MKLN1: variants seen among roughly 807,000 people sequenced by gnomAD.
MKLN1 encodes muskelin 1.
Under a neutral mutation model 99.0 loss-of-function variants are expected in MKLN1, and 18 were observed. The ratio of observed to expected loss-of-function variants is 0.18; its 90% CI spans 0.13 to 0.27. The LOEUF (loss-of-function observed/expected upper bound fraction) is 0.27, where lower values mean the gene tolerates loss of function less well. Among genes scored for constraint, MKLN1 ranks in the 10% least tolerant of loss-of-function variants. The probability of loss-of-function intolerance (pLI) is 1.00; values close to 1 mark genes in which losing one functional copy is unlikely to be tolerated. For synonymous variants in MKLN1, 288 were observed against 293.2 expected (o/e 0.98, Z 0.18); for missense variants, 621 against 875.9 (o/e 0.71, Z 3.67).
At chr7:131,156,880 T>C (rs548744320) in intron 2 of MKLN1, among the ~76,000 whole-genome samples, 2 of 152,272 alleles carry the variant, frequency 1.3e-5, no homozygotes, top group East Asian at 1.9e-4. Context: ...GTTCTAACCA[T>C]AATCTCAAGG....
intron 8 of MKLN1, among the ~76,000 whole-genome samples, chr7:131,422,235 ACT>A (rs1327966518): frequency 4.6e-5 from 7 of 151,972 alleles, no homozygotes; most frequent in African/African-American, 1.7e-4. Flanking sequence ...AATCAAAGAG[ACT>A]CTTACTAACT....
intron 12 of MKLN1, among the ~76,000 whole-genome samples, chr7:131,454,297 A>G (rs1466657946): frequency 6.6e-6 from 1 of 152,214 alleles, no homozygotes; most frequent in Non-Finnish European, 1.5e-5. Context: ...ACCAGTAAAT[A>G]AATTGGTTGA....
intron 17 of MKLN1, among the ~76,000 whole-genome samples, chr7:131,481,812 G>T (rs1797127263): frequency 2.8e-5 from 2 of 71,576 alleles, no homozygotes; most frequent in Admixed American, 2.2e-4. Flanking sequence ...TCTAAGGTCT[G>T]CAAAAAAAAA....
At chr7:131,110,110 G>A, upstream of MKLN1, 1 of 270,568 alleles carries the variant, frequency 3.7e-6, no homozygotes, top group South Asian at 3.2e-5. Flanking sequence ...TGATCCTCCG[G>A]TAGCGAAGGG....
At chr7:131,423,257 G>T (rs1482145674) in intron 8 of MKLN1, among the ~76,000 whole-genome samples, 1 of 152,182 alleles carries the variant, frequency 6.6e-6, no homozygotes, top group Non-Finnish European at 1.5e-5. Context: ...TCACTTGGAA[G>T]AGCCTTTCTG....
upstream of MKLN1, among the ~76,000 whole-genome samples, chr7:131,326,607 C>T (rs142325833): frequency 3.6e-3 from 548 of 152,262 alleles, 3 homozygotes; most frequent in African/African-American, 0.013. Context: ...AGCCTCCCAA[C>T]GTGCTGGGAT....
intron 1 of MKLN1, among the ~76,000 whole-genome samples, chr7:131,349,978 G>C (rs774653807): frequency 6.8e-6 from 1 of 147,218 alleles, no homozygotes; most frequent in African/African-American, 2.5e-5. Context: ...CTTATTTTCA[G>C]TTGCTTGGTA....
rs1289162528 is a variant in MKLN1, at chr7:131,465,249, A to T, written c.1788+841A>T. 2.0e-5 allele frequency among the ~76,000 whole-genome samples: 3 copies of T among 152,256 alleles called. No homozygotes were observed. In the East Asian group the frequency reaches 5.8e-4, roughly 29 times the overall value. On this transcript the variant is annotated intron_variant, in intron 14 of 17. Transcript: ENST00000352689. ...CACTAATTGTAATTAAAATATTTAA[A>T]TATTTAAATGCTTTTGTATACATAC...
In MKLN1 at chr7:131,192,207, A is replaced by G. The variant is rs1349159707; in HGVS notation, c.-296-10650A>G. ...ATATATAAAATATAATATATACAAT[A>G]TATAAATATATAAAATATATACAAT... is the stretch of plus-strand genomic sequence containing the variant. On this transcript the variant is annotated intron_variant, in intron 2 of 7. Transcript: ENST00000416992. Among the ~76,000 whole-genome samples, 50 of 69,770 alleles carry G rather than the reference A, an allele frequency of 7.2e-4. 5 individuals are homozygous for G. Among genetic ancestry groups the G allele is most frequent in the Admixed American group, 2.1e-3 (10 of 4,718 alleles). The allele number at this position is 69,770 out of a possible 152,430, so 45.8% of individuals were successfully genotyped here.
intron 3 of MKLN1, among the ~76,000 whole-genome samples, chr7:131,284,151 A>T (rs1798099673): frequency 1.3e-5 from 2 of 152,296 alleles, no homozygotes; most frequent in Middle Eastern, 6.8e-3. Context: ...TAGAACAAAA[A>T]TTGCTAGGGA....
chr7:131,237,193 GTGTAGTACAGC>G (rs1179428808), intron 3 of MKLN1, among the ~76,000 whole-genome samples: 5 of 152,164 alleles, frequency 3.3e-5, no homozygotes, highest in African/African-American at 1.2e-4. Context: ...GTGGATACAA[GTGTAGTACAGC>G]TGAGAAAAAT....
chr7:131,223,823 G>C (rs554580837), intron 3 of MKLN1, among the ~76,000 whole-genome samples: 2 of 152,190 alleles, frequency 1.3e-5, no homozygotes, highest in African/African-American at 4.8e-5. Context: ...CTGGAGTACA[G>C]TGGTGCGATC....
rs561989212 is a variant in MKLN1 at position 131,195,401 on chromosome 7, C to T, written c.-296-7456C>T. Among the ~76,000 whole-genome samples, 59 of 152,020 alleles carry T rather than the reference C, an allele frequency of 3.9e-4. 1 individual carries two copies. The highest frequency in any genetic ancestry group is 1.3e-3 in the African/African-American group (53 of 41,466). The stretch of plus-strand genomic sequence containing the variant: ...TGGCACGTGCCTGTAATCCCAGCTA[C>T]TCAGGAGGCTGAGGCAGGAGAATCG... On this transcript the variant is annotated intron_variant, in intron 2 of 7. Coordinates refer to the MKLN1 transcript ENST00000416992.
intron 1 of MKLN1, among the ~76,000 whole-genome samples, chr7:131,133,353 C>CTTTTTTTTT (rs1198245681): frequency 7.3e-4 from 68 of 93,634 alleles, no homozygotes; most frequent in Non-Finnish European, 9.3e-4. Context: ...TTCTTTCTTT[C>CTTTTTTTTT]TTTTTTTTTT....
At chr7:131,227,987 G>T (rs896850729) in intron 3 of MKLN1, among the ~76,000 whole-genome samples, 5 of 152,236 alleles carry the variant, frequency 3.3e-5, no homozygotes, top group Non-Finnish European at 7.3e-5. Context: ...CCAGCTTCGT[G>T]TGTGGCCCAT....
At chr7:131,277,872 G>C (rs1047737217) in intron 3 of MKLN1, among the ~76,000 whole-genome samples, 3 of 151,982 alleles carry the variant, frequency 2.0e-5, no homozygotes, top group Admixed American at 1.3e-4. Flanking sequence ...ATTATCACAT[G>C]TACCCTCCCA....
intron 2 of MKLN1, among the ~76,000 whole-genome samples, chr7:131,191,268 A>C (rs1239156564): frequency 2.6e-5 from 4 of 152,254 alleles, no homozygotes. Flanking sequence ...GAATGCAAGC[A>C]GTTGCCAGAA....
At chr7:131,484,831 G>A (rs1258507840) in intron 17 of MKLN1, among the ~76,000 whole-genome samples, 3 of 151,894 alleles carry the variant, frequency 2.0e-5, no homozygotes, top group Admixed American at 6.6e-5. Context: ...TTTAAGTTGA[G>A]CAAATGAGTA....
intron 3 of MKLN1, among the ~76,000 whole-genome samples, chr7:131,314,677 C>G (rs1798631320): frequency 6.6e-6 from 1 of 152,026 alleles, no homozygotes; most frequent in Non-Finnish European, 1.5e-5. Context: ...TTGCCTTGGC[C>G]ACCCAAAGTG....
Sources: allele counts gnomAD v4.1 joint callset (sites outside exome capture counted in the v4.1 genomes callset), GRCh38; gene constraint gnomAD v4.1.1; transcripts MANE v1.5; gene names NCBI Gene and HGNC (gene_info 2026-07-23, HGNC 2026-07-21).